The following FANK1 variants were observed in gnomAD, a reference collection of about 807,000 sequenced individuals.
FANK1 encodes fibronectin type 3 and ankyrin repeat domains protein 1.
In FANK1, 44 loss-of-function variants were observed where a neutral mutation model predicts 45.3. The ratio of observed to expected loss-of-function variants is 0.97; its 90% CI spans 0.76 to 1.25. FANK1 has a LOEUF of 1.25. Among genes scored for constraint, FANK1 ranks in the 50% most tolerant of loss-of-function variants. The pLI, the probability that FANK1 is intolerant of heterozygous loss-of-function variation, is 0.00. For missense variants in FANK1, 391 were observed against 424.4 expected (o/e 0.92, Z 0.69); for synonymous variants, 149 against 152.5 (o/e 0.98, Z 0.17).
intron 1 of FANK1, among the ~76,000 whole-genome samples, chr10:125,916,059 G>A (rs570918794): frequency 1.3e-5 from 2 of 151,526 alleles, no homozygotes; most frequent in South Asian, 2.1e-4. Flanking sequence ...CTTTTCAGAC[G>A]GAGTCTTGCT....
rs190642746 is a variant in FANK1, at chr10:125,963,236, G to A, written c.14-16925G>A. Among the ~76,000 whole-genome samples the A allele has an allele frequency of 1.5e-3, 233 of 152,258 alleles. 4 individuals are homozygous for A. The highest frequency in any genetic ancestry group is 5.0e-3 in the African/African-American group (209 of 41,550). On this transcript the variant is annotated intron_variant, in intron 1 of 10. Coordinates refer to ENST00000368693, the MANE Select transcript of FANK1 (RefSeq NM_145235.5). ...TGACCTCAGGTGATCCACCTGCCTC[G>A]GTCTCCCGAAGTGTTGGGATTACAG...
Position 125,983,351 on chromosome 10 carries a change from C to G in FANK1, c.191+3013C>G, listed in dbSNP as rs1007766173. On this transcript the variant is annotated intron_variant, in intron 2 of 10. Transcript: ENST00000368693. The surrounding 1 kb of genome is among the most constrained non-coding windows in gnomAD (Gnocchi z 4.3). ...TCCATCAGCGTGTATTATTGAGTGT[C>G]TGCCGTGTGTCAGACACTGCTCCGG... is the stretch of plus-strand genomic sequence containing the variant. Among the ~76,000 whole-genome samples the G allele has an allele frequency of 6.6e-6, 1 of 152,186 alleles. No homozygotes were observed. The highest frequency in any genetic ancestry group is 2.4e-5 in the African/African-American group (1 of 41,438).
At chr10:125,904,566 C>T (rs1945324041) in intron 1 of FANK1, among the ~76,000 whole-genome samples, 1 of 151,784 alleles carries the variant, frequency 6.6e-6, no homozygotes, top group Admixed American at 6.6e-5. Context: ...CTACAGGCTG[C>T]AGAAACTTTT....
chr10:125,986,029 A>C (rs1414383019), intron 2 of FANK1, among the ~76,000 whole-genome samples: 1 of 152,064 alleles, frequency 6.6e-6, no homozygotes. Context: ...CTCTTCTACC[A>C]CTTCCCATCC....
intron 1 of FANK1, among the ~76,000 whole-genome samples, chr10:125,929,670 G>A (rs1410559080): frequency 1.3e-5 from 2 of 152,146 alleles, no homozygotes; most frequent in Non-Finnish European, 2.9e-5. Context: ...GTTAACAGTG[G>A]AGCGTGTGCA....
intron 1 of FANK1, among the ~76,000 whole-genome samples, chr10:125,912,613 TAATA>T (rs1411608721): frequency 1.3e-5 from 2 of 152,182 alleles, no homozygotes; most frequent in Non-Finnish European, 2.9e-5. Context: ...ATCATCTACT[TAATA>T]TATAGTGCTT....
chr10:125,938,537 G>A (rs1351515774), intron 1 of FANK1, among the ~76,000 whole-genome samples: 3 of 152,156 alleles, frequency 2.0e-5, no homozygotes, highest in Non-Finnish European at 2.9e-5. Context: ...TGGCTGACAC[G>A]GTGGTTTACA....
At chr10:125,915,221 T>C (rs1313251974) in intron 1 of FANK1, among the ~76,000 whole-genome samples, 1 of 152,034 alleles carries the variant, frequency 6.6e-6, no homozygotes, top group East Asian at 1.9e-4. Flanking sequence ...GTTACATTTG[T>C]TAAAGGGTAA....
rs1184814176 is a variant in FANK1 at position 125,898,292 on chromosome 10, T to C, written c.13+1637T>C. Among the ~76,000 whole-genome samples, 3 of 152,236 alleles carry C rather than the reference T, an allele frequency of 2.0e-5. 1 individual carries two copies. Among genetic ancestry groups the C allele is most frequent in the African/African-American group, 7.2e-5 (3 of 41,456 alleles). ...TGCTGTCTTTATCCATTCATTCATT[T>C]ATAGTGCCTGTTATGTTGCAGCTCT... On this transcript the variant is annotated intron_variant, in intron 1 of 10. Transcript: ENST00000368693.
intron 1 of FANK1, among the ~76,000 whole-genome samples, chr10:125,914,091 T>C (rs1479086588): frequency 1.3e-5 from 2 of 152,174 alleles, no homozygotes; most frequent in East Asian, 3.9e-4. Context: ...CCATTAGAAC[T>C]CTTCTAAACT....
At chr10:125,971,580 T>C (rs1950515900) in intron 1 of FANK1, among the ~76,000 whole-genome samples, 1 of 152,030 alleles carries the variant, frequency 6.6e-6, no homozygotes, top group South Asian at 2.1e-4. Flanking sequence ...AAATGAATAA[T>C]TTAAGGAAAT....
chr10:125,993,617 A>C (rs1326569246), intron 3 of FANK1, among the ~76,000 whole-genome samples: 1 of 152,220 alleles, frequency 6.6e-6, no homozygotes, highest in East Asian at 1.9e-4. Flanking sequence ...TCTGGGGTAT[A>C]AAACCCTGCC....
At chr10:125,901,660 C>A (rs1349213552) in intron 1 of FANK1, among the ~76,000 whole-genome samples, 8 of 152,208 alleles carry the variant, frequency 5.3e-5, no homozygotes, top group Admixed American at 5.2e-4. Flanking sequence ...CTATTCCCTC[C>A]TGCTATGGCA....
intron 1 of FANK1, among the ~76,000 whole-genome samples, chr10:125,967,060 TATAA>T (rs1950234827): frequency 6.6e-6 from 1 of 152,256 alleles, no homozygotes; most frequent in African/African-American, 2.4e-5. Context: ...TATTCTTGTA[TATAA>T]ATAATGTACC....
At chr10:125,926,451 C>G (rs1268139570) in intron 1 of FANK1, among the ~76,000 whole-genome samples, 1 of 152,296 alleles carries the variant, frequency 6.6e-6, no homozygotes, top group Admixed American at 6.5e-5. Flanking sequence ...CTTATAGTCA[C>G]AAACACGTTC....
chr10:125,950,241 G>A lies in FANK1; in HGVS notation c.14-29920G>A, dbSNP rs202161163. On this transcript the variant is annotated intron_variant, in intron 1 of 10. Coordinates refer to ENST00000368693, the MANE Select transcript of FANK1 (RefSeq NM_145235.5). Reference sequence around the variant, plus strand: ...CATGTCCAAAACACCAAAAGCAATGGCAGCAAAAGCCAAAATTGACAAATG... The same window carrying A: ...CATGTCCAAAACACCAAAAGCAATGACAGCAAAAGCCAAAATTGACAAATG... Among the ~76,000 whole-genome samples, 16 of 151,574 alleles carry A rather than the reference G, an allele frequency of 1.1e-4. No individual in the cohort carries two copies. In the East Asian group the frequency reaches 1.7e-3, roughly 16 times the overall value.
intron 6 of FANK1, chr10:126,004,185 A>G (rs960796996): frequency 3.3e-5 from 5 of 150,226 alleles, no homozygotes; most frequent in Non-Finnish European, 4.4e-5. Flanking sequence ...AAAAAAGAAA[A>G]TATTTAATTT....
intron 1 of FANK1, among the ~76,000 whole-genome samples, chr10:125,912,708 G>A: frequency 6.6e-6 from 1 of 152,110 alleles, no homozygotes; most frequent in Admixed American, 6.5e-5. Context: ...CCCAGTCTTG[G>A]CTCACTGCAA....
chr10:125,949,008 A>C (rs1364796892), intron 1 of FANK1, among the ~76,000 whole-genome samples: 2,323 of 148,132 alleles, frequency 0.016, 67 homozygotes, highest in African/African-American at 0.055. Context: ...ACAGAGCCAA[A>C]GACAAAAACC....
Sources: allele counts gnomAD v4.1 joint callset (sites outside exome capture counted in the v4.1 genomes callset), GRCh38; gene constraint gnomAD v4.1.1; non-coding constraint Gnocchi (gnomAD v3.1); transcripts MANE v1.5; gene names NCBI Gene and HGNC (gene_info 2026-07-23, HGNC 2026-07-21).